The following SLC38A7 variants were observed in gnomAD, a reference collection of about 807,000 sequenced individuals.
SLC38A7 encodes solute carrier family 38 member 7.
In SLC38A7, 29 loss-of-function variants were observed where a neutral mutation model predicts 50.1. That is an observed-to-expected ratio of 0.58 (90% CI 0.43 to 0.79). The LOEUF is 0.79. Ranked by LOEUF, SLC38A7 falls within the 30% of genes least tolerant of loss-of-function variation. The pLI, the probability that SLC38A7 is intolerant of heterozygous loss-of-function variation, is 0.00. For synonymous variants in SLC38A7, 244 were observed against 245.9 expected (o/e 0.99, Z 0.07); for missense variants, 483 against 610.6 (o/e 0.79, Z 2.20).
Position 58,678,619 on chromosome 16 carries a change from C to T in SLC38A7, c.469+77G>A. On this transcript the variant is annotated intron_variant, in intron 4 of 11. Coordinates refer to ENST00000219320, the MANE Select transcript of SLC38A7 (RefSeq NM_018231.3). This position sits in a 1 kb window ranked among gnomAD's most constrained non-coding sequence, Gnocchi z 4.0. ...CCCAGGTAAGTCCTGGAGAGGTGTT[C>T]AGTGCCTTTTCCCTCCACCCCAGGA... 6.3e-7 allele frequency: 1 copy of T among 1,581,748 alleles called. No individual in the cohort carries two copies. The highest frequency in any genetic ancestry group is 1.1e-5 in the South Asian group (1 of 89,456).
In SLC38A7 at chr16:58,667,316, C is replaced by T. The variant is rs779432472; in HGVS notation, c.*69G>A. On this transcript the variant is annotated 3_prime_UTR_variant, in exon 12 of 12. Transcript: ENST00000219320. ...TGGAATGATCGTGGACTAAGAATGG[C>T]CCCATAGCTCTAAGAGATGGGTTCC... 2.7e-6 allele frequency: 4 copies of T among 1,460,552 alleles called. No individual in the cohort carries two copies. The highest frequency in any genetic ancestry group is 3.8e-6 in the Non-Finnish European group (4 of 1,042,354). The allele number at this position is 1,460,552 out of a possible 1,614,324, so 90.5% of individuals were successfully genotyped here. A position where few individuals can be genotyped will look rare whatever the true frequency, so the allele number is the denominator to read the frequency against.
rs768968912 is a variant in SLC38A7, at chr16:58,676,011, G to GGCT, written c.809_811dup (p.Gln270dup). 42 of 1,613,698 alleles carry GGCT rather than the reference G, an allele frequency of 2.6e-5. No individual in the cohort carries two copies. The highest frequency in any genetic ancestry group is 3.6e-5 in the Non-Finnish European group (42 of 1,179,904). ...CACTCCACCCCAGGTCTTCACTTCA[G>GGCT]GCTGCTGCATGCTGTTGAAGACGGG... On this transcript the variant is annotated inframe_insertion, in exon 8 of 12. Transcript: ENST00000219320.
intron 10 of SLC38A7, 114 bp from the exon 11 acceptor site, chr16:58,670,281 T>C: frequency 1.0e-6 from 1 of 983,078 alleles, no homozygotes. Flanking sequence ...TGTTTACTCT[T>C]CTAGAAATTC....
intron 3 of SLC38A7, chr16:58,679,589 C>G: frequency 3.6e-6 from 2 of 548,324 alleles, no homozygotes; most frequent in Non-Finnish European, 6.4e-6. Flanking sequence ...TAAGGGCCCT[C>G]TTTTTAAACA....
At position 58,678,352 on chromosome 16, in the gene SLC38A7, C is replaced by T. The variant is rs1232865908; in HGVS notation, c.592G>A (p.Gly198Ser). ...CCAAACCTGGCATATTTCTGGAAAC[C>T]AATCTCCCTGGGGATGGAGAGGGGC... ...ILPLSIPREI[G>S]FQKYASFLSV... The change falls in exon 5 of 12, where the codon GGT becomes AGT. Residue 198 changes from glycine to serine, a missense_variant. Physicochemically the swap from Gly to Ser is moderately conservative, Grantham distance 56. Transcript: ENST00000219320. This position sits in a 1 kb window ranked among gnomAD's most constrained non-coding sequence, Gnocchi z 4.0. 8 of 1,567,710 alleles carry T rather than the reference C, an allele frequency of 5.1e-6. No homozygotes were observed. Among genetic ancestry groups the T allele is most frequent in the Non-Finnish European group, 6.9e-6 (8 of 1,157,786 alleles).
intron 8 of SLC38A7, among the ~76,000 whole-genome samples, chr16:58,674,644 AAATAATAAC>A (rs2044227874): frequency 6.6e-6 from 1 of 151,962 alleles, no homozygotes; most frequent in Admixed American, 6.6e-5. Context: ...ATACAAATAA[AAATAATAAC>A]AATAATAATA....
intron 6 of SLC38A7, 111 bp from the exon 7 acceptor site, chr16:58,676,457 C>T (rs2044269546): frequency 8.9e-7 from 1 of 1,125,360 alleles, no homozygotes; most frequent in Non-Finnish European, 1.3e-6. Context: ...ACTGGGATTC[C>T]ATAGCTTCAA....
At chr16:58,676,435 TG>T (rs2152079229) in intron 6 of SLC38A7, 89 bp from the exon 7 acceptor site, 2 of 1,402,276 alleles carry the variant, frequency 1.4e-6, no homozygotes, top group East Asian at 4.6e-5. Context: ...CAGCCCACCA[TG>T]GTCTCCAGCA....
intron 9 of SLC38A7, 81 bp downstream of exon 9, chr16:58,672,015 G>A (rs1309972170): frequency 1.4e-6 from 2 of 1,396,390 alleles, no homozygotes; most frequent in Non-Finnish European, 9.5e-7. Context: ...CTACAGGATG[G>A]GGTCCACACA....
At chr16:58,679,827 C>T in intron 3 of SLC38A7, 30 bp downstream of exon 3, 1 of 1,611,874 alleles carries the variant, frequency 6.2e-7, no homozygotes, top group Non-Finnish European at 8.5e-7. Flanking sequence ...AACTGAACTG[C>T]ACCTCTGCCC....
At position 58,678,215 on chromosome 16, in the gene SLC38A7, GC is replaced by G; in HGVS notation, c.611+117del. 1 of 1,252,834 alleles carries G rather than the reference GC, an allele frequency of 8.0e-7. No homozygotes were observed. Among genetic ancestry groups the G allele is most frequent in the Non-Finnish European group, 1.1e-6 (1 of 927,672 alleles). 77.6% of individuals were successfully genotyped at this position (1,252,834 alleles called of 1,614,324 possible). Reference sequence around the variant, plus strand: ...TGCAAGCCCCGGTCTGCCCTGCCTTGCCTACTCTTGCTCCCCAAGGTGAGGT... The same window carrying G: ...TGCAAGCCCCGGTCTGCCCTGCCTTGCTACTCTTGCTCCCCAAGGTGAGGT... On this transcript the variant is annotated intron_variant, in intron 5 of 11. Coordinates refer to ENST00000219320, the MANE Select transcript of SLC38A7 (RefSeq NM_018231.3). This position sits in a 1 kb window ranked among gnomAD's most constrained non-coding sequence, Gnocchi z 4.0.
intron 3 of SLC38A7, chr16:58,679,538 T>C (rs933581018): frequency 3.8e-6 from 2 of 526,306 alleles, no homozygotes; most frequent in African/African-American, 3.8e-5. Context: ...AGCTATCATA[T>C]CATTTCATCA....
intron 2 of SLC38A7, among the ~76,000 whole-genome samples, chr16:58,682,176 A>C (rs1164109092): frequency 6.6e-6 from 1 of 151,904 alleles, no homozygotes; most frequent in African/African-American, 2.4e-5. Context: ...AAACAAACAA[A>C]ACTCAAACCA....
At chr16:58,670,579 C>T (rs1160596001) in intron 10 of SLC38A7, among the ~76,000 whole-genome samples, 1 of 152,216 alleles carries the variant, frequency 6.6e-6, no homozygotes, top group African/African-American at 2.4e-5. Flanking sequence ...GGACAGTTCT[C>T]CAGGGATCTG....
At chr16:58,679,768 C>T in intron 3 of SLC38A7, 89 bp downstream of exon 3, 1 of 1,556,500 alleles carries the variant, frequency 6.4e-7, no homozygotes, top group Non-Finnish European at 8.8e-7. Context: ...GCGTGTATCA[C>T]TTACTGGCCA....
chr16:58,675,336 G>A, intron 8 of SLC38A7: 1 of 409,102 alleles, frequency 2.4e-6, no homozygotes, highest in Non-Finnish European at 4.7e-6. Context: ...GTGAGACCTT[G>A]TCTCTGCTAG....
intron 11 of SLC38A7, among the ~76,000 whole-genome samples, chr16:58,668,133 C>G (rs370946734): frequency 6.6e-6 from 1 of 151,854 alleles, no homozygotes; most frequent in Non-Finnish European, 1.5e-5. Context: ...GAAACCCCAT[C>G]TCTACTAAAA....
chr16:58,670,957 A>G (rs9806843), intron 10 of SLC38A7, 88 bp downstream of exon 10: 543,876 of 1,395,588 alleles, frequency 0.39, 108,063 homozygotes, highest in African/African-American at 0.49. Context: ...TCTCTCCTGC[A>G]TGTTTTGAGC....
intron 8 of SLC38A7, among the ~76,000 whole-genome samples, chr16:58,674,405 T>C (rs2044223021): frequency 6.6e-6 from 1 of 152,072 alleles, no homozygotes; most frequent in African/African-American, 2.4e-5. Flanking sequence ...GCCTCCCAAG[T>C]AGCTGGGTCC....
Sources: allele counts gnomAD v4.1 joint callset (sites outside exome capture counted in the v4.1 genomes callset), GRCh38; gene constraint gnomAD v4.1.1; non-coding constraint Gnocchi (gnomAD v3.1); transcripts MANE v1.5; gene names NCBI Gene and HGNC (gene_info 2026-07-23, HGNC 2026-07-21).